Variants in KDM3B observed in about 807,000 individuals in gnomAD.
KDM3B encodes the protein lysine demethylase 3B.
In KDM3B, 10 loss-of-function variants were observed where a neutral mutation model predicts 170.0. The ratio of observed to expected loss-of-function variants is 0.06; its 90% CI spans 0.04 to 0.10. KDM3B has a LOEUF of 0.10. KDM3B is among the 10% of genes least tolerant of loss of function. The probability of loss-of-function intolerance (pLI) is 1.00; values close to 1 mark genes in which losing one functional copy is unlikely to be tolerated. For missense variants in KDM3B, 1,394 were observed against 2,195.2 expected, an observed-to-expected ratio of 0.64 and a Z score of 7.29; for synonymous variants, 831 against 834.8, an observed-to-expected ratio of 1.00 and a Z score of 0.08.
At chr5:138,372,877 C>G in intron 2 of KDM3B, 36 bp downstream of exon 2, 1 of 1,573,364 alleles carries the variant, frequency 6.4e-7, no homozygotes, top group Non-Finnish European at 8.7e-7. Flanking sequence ...CATGTCTGAG[C>G]TTTACTCCTA....
chr5:138,358,907 A>C (rs1431597615), intron 1 of KDM3B, among the ~76,000 whole-genome samples: 1 of 151,342 alleles, frequency 6.6e-6, no homozygotes, highest in African/African-American at 2.4e-5. Context: ...CTCGTCATTT[A>C]GCATTAGGTA....
chr5:138,384,789 C>T (rs1301168382), intron 6 of KDM3B, among the ~76,000 whole-genome samples: 5 of 149,876 alleles, frequency 3.3e-5, no homozygotes, highest in African/African-American at 9.7e-5. Context: ...TGGCACACAC[C>T]TGTAGTCCCA....
intron 3 of KDM3B, among the ~76,000 whole-genome samples, chr5:138,376,778 G>A (rs1488199099): frequency 6.6e-6 from 1 of 151,812 alleles, no homozygotes; most frequent in Non-Finnish European, 1.5e-5. Flanking sequence ...TTGAGTCCAA[G>A]GGGGCCTATT....
chr5:138,385,222 T>C (rs1561768939), intron 6 of KDM3B, among the ~76,000 whole-genome samples: 1 of 152,152 alleles, frequency 6.6e-6, no homozygotes, highest in East Asian at 2.0e-4. Context: ...GGTTTCACCA[T>C]GTTGCCCAGG....
intron 22 of KDM3B, among the ~76,000 whole-genome samples, 187 bp downstream of exon 22, chr5:138,430,612 G>C (rs570321918): frequency 1.3e-5 from 2 of 152,254 alleles, no homozygotes; most frequent in South Asian, 4.1e-4. Context: ...TAAACAGGGC[G>C]GTCCTGGTAG....
Position 138,420,902 on chromosome 5 carries a change from T to G in KDM3B, c.3912T>G (p.Leu1304=), listed in dbSNP as rs944577436. 1.2e-6 allele frequency: 2 copies of G among 1,613,946 alleles called. No individual in the cohort carries two copies. Among genetic ancestry groups the G allele is most frequent in the African/African-American group, 2.7e-5 (2 of 74,892 alleles). The change falls in exon 15 of 24, where the codon CTT becomes CTG. Residue 1304 remains leucine (L), a synonymous_variant. Transcript: ENST00000314358. ...RDLLHSGPGK[L]PQTPLDTGIP... Reference sequence around the variant, plus strand: ...TCCTTCACTCCGGGCCGGGAAAACTTCCTCAAACCCCCTTGGACACAGGCA... The same window carrying G: ...TCCTTCACTCCGGGCCGGGAAAACTGCCTCAAACCCCCTTGGACACAGGCA...
At chr5:138,366,374 A>C (rs1030982989) in intron 1 of KDM3B, among the ~76,000 whole-genome samples, 2 of 151,758 alleles carry the variant, frequency 1.3e-5, no homozygotes, top group African/African-American at 4.8e-5. Flanking sequence ...ACTGTTGTCC[A>C]GGCTGGAGTG....
At chr5:138,366,114 G>T (rs1234288025) in intron 1 of KDM3B, among the ~76,000 whole-genome samples, 2 of 151,876 alleles carry the variant, frequency 1.3e-5, no homozygotes, top group Non-Finnish European at 2.9e-5. Flanking sequence ...CAAATAATCT[G>T]CAACTTGCTT....
chr5:138,416,661 A>G (rs1275633802), intron 12 of KDM3B, among the ~76,000 whole-genome samples: 3 of 151,004 alleles, frequency 2.0e-5, no homozygotes, highest in Non-Finnish European at 4.4e-5. Context: ...TGGATCCCTT[A>G]TACCCCACTG....
chr5:138,406,011 A>G (rs1037384302), intron 11 of KDM3B, among the ~76,000 whole-genome samples: 1 of 152,232 alleles, frequency 6.6e-6, no homozygotes. Flanking sequence ...CACAAAAAAT[A>G]TGTAAGTAGT....
chr5:138,432,196 T>C (rs894542387), intron 23 of KDM3B, among the ~76,000 whole-genome samples: 1 of 152,230 alleles, frequency 6.6e-6, no homozygotes, highest in African/African-American at 2.4e-5. Context: ...TAAGCATGTT[T>C]CTGAGAAGAA....
At chr5:138,428,386 A>G (rs1002311024) in intron 20 of KDM3B, among the ~76,000 whole-genome samples, 10 of 151,664 alleles carry the variant, frequency 6.6e-5, no homozygotes, top group South Asian at 4.1e-4. Flanking sequence ...TAATTTTTGT[A>G]TTTTTAGTAG....
intron 11 of KDM3B, among the ~76,000 whole-genome samples, chr5:138,409,853 C>T (rs1025666999): frequency 3.9e-5 from 6 of 152,140 alleles, no homozygotes; most frequent in South Asian, 2.1e-4. Context: ...TTCGGGAGGC[C>T]GAGGCAGGCA....
At chr5:138,433,515 C>A (rs957732155) in intron 23 of KDM3B, among the ~76,000 whole-genome samples, 1 of 150,050 alleles carries the variant, frequency 6.7e-6, no homozygotes, top group African/African-American at 2.5e-5. Flanking sequence ...TTAAGTGATT[C>A]TCCTGCCTCA....
At chr5:138,362,012 A>G (rs1341793883) in intron 1 of KDM3B, among the ~76,000 whole-genome samples, 1 of 152,106 alleles carries the variant, frequency 6.6e-6, no homozygotes. Context: ...ATCTACCTAA[A>G]GACACATCCT....
At chr5:138,417,439 A>G (rs377291122) in intron 12 of KDM3B, 44 bp from the exon 13 acceptor site, 8 of 1,592,260 alleles carry the variant, frequency 5.0e-6, no homozygotes, top group Non-Finnish European at 6.9e-6. Context: ...TGTGGCATAT[A>G]TGAGTATTCT....
intron 17 of KDM3B, 85 bp from the exon 18 acceptor site, chr5:138,426,884 AAAAAAG>A (rs1561796009): frequency 1.2e-5 from 5 of 427,762 alleles, no homozygotes; most frequent in East Asian, 9.7e-5. Context: ...AAAAAAAGAA[AAAAAAG>A]AGATTAGTCT....
At chr5:138,368,798 G>T (rs529691292) in intron 1 of KDM3B, among the ~76,000 whole-genome samples, 1 of 152,202 alleles carries the variant, frequency 6.6e-6, no homozygotes, top group African/African-American at 2.4e-5. Flanking sequence ...CATGTCCTTT[G>T]CTCAAGTAAG....
chr5:138,397,287 A>T (rs964090766), intron 9 of KDM3B, among the ~76,000 whole-genome samples: 3 of 152,118 alleles, frequency 2.0e-5, no homozygotes, highest in Non-Finnish European at 4.4e-5. Context: ...GTGAGCCAAG[A>T]TCGCACCACT....
Sources: gnomAD v4.1 joint callset for allele counts (sites outside exome capture counted in the v4.1 genomes callset) on GRCh38, gnomAD v4.1.1 for gene constraint, MANE v1.5 for transcripts, NCBI Gene and HGNC (gene_info 2026-07-23, HGNC 2026-07-21) for gene names.